The following RNF24 variants were observed in gnomAD, a reference collection of about 807,000 sequenced individuals.
RNF24 encodes the protein ring finger protein 24.
A neutral mutation model predicts 20.0 loss-of-function variants in RNF24; 14 were observed. The ratio of observed to expected loss-of-function variants is 0.70; its 90% confidence interval spans 0.46 to 1.10. The LOEUF is 1.10. Among genes scored for constraint, RNF24 ranks in the 50% least tolerant of loss-of-function variants. The pLI, the probability that RNF24 is intolerant of heterozygous loss-of-function variation, is 0.00. For missense variants in RNF24, 124 were observed against 177.6 expected, an observed-to-expected ratio of 0.70 and a Z score of 1.71; for synonymous variants, 45 against 61.1, an observed-to-expected ratio of 0.74 and a Z score of 1.23.
chr20:3,941,234 G>C (rs901306836), intron 4 of RNF24, among the ~76,000 whole-genome samples: 1 of 152,116 alleles, frequency 6.6e-6, no homozygotes, highest in African/African-American at 2.4e-5. Flanking sequence ...TGTTGCCCAG[G>C]CTGGTCTCGA....
intron 3 of RNF24, among the ~76,000 whole-genome samples, chr20:3,946,996 T>C (rs967804878): frequency 1.3e-5 from 2 of 151,990 alleles, no homozygotes; most frequent in Non-Finnish European, 2.9e-5. Context: ...ATCAAGACCA[T>C]CCTGGCCAAC....
At chr20:3,957,303 G>T (rs1174231931) in intron 2 of RNF24, among the ~76,000 whole-genome samples, 1 of 150,772 alleles carries the variant, frequency 6.6e-6, no homozygotes, top group African/African-American at 2.4e-5. Context: ...CTCAAAAAAA[G>T]AAAAAAAGTT....
At chr20:4,000,316 G>C (rs2147063210) in intron 1 of RNF24, among the ~76,000 whole-genome samples, 1 of 152,276 alleles carries the variant, frequency 6.6e-6, no homozygotes, top group South Asian at 2.1e-4. Context: ...CTGAGGTCAG[G>C]AGTTTGAAAC....
At chr20:3,954,113 C>T (rs1050965958) in intron 2 of RNF24, among the ~76,000 whole-genome samples, 1 of 151,942 alleles carries the variant, frequency 6.6e-6, no homozygotes, top group Non-Finnish European at 1.5e-5. Context: ...TACAACTAAC[C>T]GCCTTCAAGT....
intron 2 of RNF24, among the ~76,000 whole-genome samples, chr20:3,958,713 C>T (rs892780918): frequency 1.6e-4 from 25 of 152,222 alleles, no homozygotes; most frequent in African/African-American, 6.0e-4. Context: ...GCAATCTCAG[C>T]TCAATGCAAC....
At position 3,963,972 on chromosome 20, in the gene RNF24, C is replaced by T; in HGVS notation, c.46G>A (p.Gly16Arg). ...PHYNFRMPNIGFQNLPLNIYI... is the reference protein window; with the variant it reads ...PHYNFRMPNIRFQNLPLNIYI... ...ATGTTGAGAGGCAGATTCTGGAATC[C>T]AATATTAGGCATCCTGAAGTTGTAA... Residue 16 changes from glycine to arginine, a missense_variant, in exon 2 of 6, where the codon GGA becomes AGA. Transcript: ENST00000358395. The T allele has an allele frequency of 6.2e-7, 1 of 1,613,100 alleles. No individual in the cohort carries two copies.
chr20:4,002,562 G>GA (rs1981502500), intron 1 of RNF24, among the ~76,000 whole-genome samples: 1 of 152,036 alleles, frequency 6.6e-6, no homozygotes, highest in Non-Finnish European at 1.5e-5. Context: ...AGAAAAGTCT[G>GA]AAAAAATAGT....
At chr20:3,987,583 C>T (rs1324097528) in intron 1 of RNF24, among the ~76,000 whole-genome samples, 1 of 152,212 alleles carries the variant, frequency 6.6e-6, no homozygotes, top group Non-Finnish European at 1.5e-5. Flanking sequence ...ACATTAAAGA[C>T]TCATTAGCTC....
Position 3,933,991 on chromosome 20 carries a change from C to T in RNF24, c.*72G>A, listed in dbSNP as rs769155275. ...GTGTCCTAGGTAGAGAGCAGCCATA[C>T]AGACACCACATGTGTTCCTCCTGGC... is the stretch of plus-strand genomic sequence containing the variant. On this transcript the variant is annotated 3_prime_UTR_variant, in exon 6 of 6. Transcript: ENST00000358395. 165 of 1,360,924 alleles carry T rather than the reference C, an allele frequency of 1.2e-4. No homozygotes were observed. Among genetic ancestry groups the T allele is most frequent in the Non-Finnish European group, 1.4e-4 (146 of 1,039,060 alleles). 84.3% of individuals were successfully genotyped at this position (1,360,924 alleles called of 1,614,324 possible).
In RNF24 at chr20:3,934,914, C is replaced by T. The variant is rs1445478638; in HGVS notation, c.308+80G>A. 9 of 1,125,042 alleles carry T rather than the reference C, an allele frequency of 8.0e-6. No homozygotes were observed. The highest frequency in any genetic ancestry group is 1.3e-5 in the South Asian group (1 of 78,780). 69.7% of individuals were successfully genotyped at this position (1,125,042 alleles called of 1,614,324 possible). A position where few individuals can be genotyped will look rare whatever the true frequency, so the allele number is the denominator to read the frequency against. On this transcript the variant is annotated intron_variant, in intron 5 of 5. Transcript: ENST00000358395. The surrounding 1 kb of genome is among the most constrained non-coding windows in gnomAD (Gnocchi z 4.0). ...TCATGAAGCCATCAAGCTTGTCTGGCACTGCCCTAAAACCCAAAAGAAGTT... is the reference window on the plus strand; with the variant it reads ...TCATGAAGCCATCAAGCTTGTCTGGTACTGCCCTAAAACCCAAAAGAAGTT...
chr20:4,002,573 G>A (rs936802703), intron 1 of RNF24, among the ~76,000 whole-genome samples: 1 of 152,118 alleles, frequency 6.6e-6, no homozygotes, highest in Non-Finnish European at 1.5e-5. Flanking sequence ...AAAAAATAGT[G>A]TAGGTAAGTC....
At chr20:3,971,298 A>T (rs1395079889) in intron 1 of RNF24, among the ~76,000 whole-genome samples, 1 of 152,230 alleles carries the variant, frequency 6.6e-6, no homozygotes, top group Non-Finnish European at 1.5e-5. Context: ...TGAAACAGGA[A>T]ATCAAGACAG....
chr20:4,011,457 G>C (rs1328284915), intron 1 of RNF24, among the ~76,000 whole-genome samples: 1 of 149,406 alleles, frequency 6.7e-6, no homozygotes. Context: ...ATGACAAAGG[G>C]AAGTCCCAGG....
chr20:3,978,817 A>C (rs1979125708), intron 1 of RNF24, among the ~76,000 whole-genome samples: 1 of 152,084 alleles, frequency 6.6e-6, no homozygotes, highest in African/African-American at 2.4e-5. Flanking sequence ...CAAATAATAT[A>C]TATATTGGCT....
intron 1 of RNF24, among the ~76,000 whole-genome samples, chr20:4,000,694 T>C (rs1981315838): frequency 6.6e-6 from 1 of 152,170 alleles, no homozygotes; most frequent in Non-Finnish European, 1.5e-5. Flanking sequence ...TGAACTCATA[T>C]TTATAAAAAG....
chr20:3,981,620 C>G (rs1013282204), intron 1 of RNF24, among the ~76,000 whole-genome samples: 1 of 151,962 alleles, frequency 6.6e-6, no homozygotes, highest in East Asian at 1.9e-4. Flanking sequence ...ATACTCCTGC[C>G]TCAGCCTCCC....
intron 4 of RNF24, among the ~76,000 whole-genome samples, chr20:3,936,268 G>A (rs1039741783): frequency 1.3e-5 from 2 of 152,180 alleles, no homozygotes; most frequent in African/African-American, 2.4e-5. Flanking sequence ...GGGGAGCAGG[G>A]AGGAGAGCAG....
intron 1 of RNF24, among the ~76,000 whole-genome samples, chr20:3,990,467 A>G (rs902248696): frequency 2.6e-5 from 4 of 152,198 alleles, no homozygotes; most frequent in Admixed American, 2.6e-4. Flanking sequence ...CTCTTCACAC[A>G]AACTTGTTTA....
At chr20:3,953,112 TAA>T (rs985021009) in intron 2 of RNF24, among the ~76,000 whole-genome samples, 1 of 152,230 alleles carries the variant, frequency 6.6e-6, no homozygotes, top group Non-Finnish European at 1.5e-5. Flanking sequence ...TTACTTGGCT[TAA>T]AATATCATTG....
Sources: allele counts gnomAD v4.1 joint callset (sites outside exome capture counted in the v4.1 genomes callset), GRCh38; gene constraint gnomAD v4.1.1; non-coding constraint Gnocchi (gnomAD v3.1); transcripts MANE v1.5; gene names NCBI Gene and HGNC (gene_info 2026-07-23, HGNC 2026-07-21).